Variants in STXBP5 observed in about 807,000 individuals in gnomAD.
STXBP5 encodes the protein syntaxin binding protein 5, also known as syntaxin-binding protein 5.
In STXBP5, 50 loss-of-function variants were observed where a neutral mutation model predicts 152.4. The observed-to-expected ratio is 0.33, with a 90% CI of 0.26 to 0.42. STXBP5 has a LOEUF of 0.42. Among genes scored for constraint, STXBP5 ranks in the 10% least tolerant of loss-of-function variants. The pLI is 1.00. For missense variants in STXBP5, 1,167 were observed against 1,388.6 expected (o/e 0.84, Z 2.54); for synonymous variants, 492 against 494.7 (o/e 0.99, Z 0.07).
At chr6:147,310,888 C>G (rs1278740221) in intron 10 of STXBP5, among the ~76,000 whole-genome samples, 1 of 151,350 alleles carries the variant, frequency 6.6e-6, no homozygotes, top group East Asian at 1.9e-4. Context: ...ATTTTTTTTT[C>G]ACAGCAATGT....
chr6:147,349,607 G>A (rs1330057715), intron 21 of STXBP5, among the ~76,000 whole-genome samples: 1 of 152,144 alleles, frequency 6.6e-6, no homozygotes, highest in African/African-American at 2.4e-5. Context: ...TCTTAGATAA[G>A]TGTTCCAGAC....
intron 2 of STXBP5, among the ~76,000 whole-genome samples, chr6:147,206,488 G>A (rs549886195): frequency 2.1e-4 from 32 of 152,124 alleles, no homozygotes; most frequent in Admixed American, 1.2e-3. Context: ...TTAGAGATTG[G>A]ATTTCAATCT....
rs1424271471 is a variant in STXBP5, at chr6:147,384,938, C to T, written c.*183C>T. The T allele has an allele frequency of 3.2e-6, 2 of 626,360 alleles. No individual in the cohort carries two copies. The highest frequency in any genetic ancestry group is 4.0e-5 in the South Asian group (2 of 50,324). 38.8% of individuals were successfully genotyped at this position (626,360 alleles called of 1,614,324 possible). On this transcript the variant is annotated 3_prime_UTR_variant, in exon 28 of 28. Transcript: ENST00000321680. ...TAACTGAGGAGTGTTCACACGCACT[C>T]GAAATGGAGTATATGGTGTGTGCCA...
At chr6:147,348,594 G>T (rs2128403843) in intron 21 of STXBP5, among the ~76,000 whole-genome samples, 1 of 152,148 alleles carries the variant, frequency 6.6e-6, no homozygotes, top group South Asian at 2.1e-4. Context: ...AGTTTTTGTA[G>T]TATTATACTT....
intron 4 of STXBP5, among the ~76,000 whole-genome samples, chr6:147,240,394 A>G (rs1333873430): frequency 1.3e-5 from 2 of 152,216 alleles, no homozygotes; most frequent in Non-Finnish European, 2.9e-5. Context: ...GTAGTTGTAT[A>G]TATGTATGTA....
At chr6:147,264,097 A>T (rs999857790) in intron 6 of STXBP5, among the ~76,000 whole-genome samples, 2 of 151,270 alleles carry the variant, frequency 1.3e-5, no homozygotes, top group Non-Finnish European at 3.0e-5. Context: ...TATAAAATTT[A>T]AAAAATATTA....
intron 2 of STXBP5, among the ~76,000 whole-genome samples, chr6:147,216,165 G>A (rs1388912619): frequency 2.0e-5 from 3 of 152,184 alleles, no homozygotes; most frequent in Non-Finnish European, 4.4e-5. Flanking sequence ...GCTGAGGCAG[G>A]CGGATCACTT....
intron 7 of STXBP5, among the ~76,000 whole-genome samples, chr6:147,276,110 A>G (rs1562456239): frequency 1.3e-5 from 2 of 152,182 alleles, no homozygotes; most frequent in African/African-American, 4.8e-5. Flanking sequence ...TTTTCTCAAG[A>G]ATACTAAAGA....
chr6:147,211,261 A>G (rs1273271162), intron 2 of STXBP5, among the ~76,000 whole-genome samples: 1 of 148,680 alleles, frequency 6.7e-6, no homozygotes, highest in Non-Finnish European at 1.5e-5. Flanking sequence ...GTGAGCCAAG[A>G]TTGTGCCACT....
In STXBP5 at chr6:147,389,411, T is replaced by C. The variant is rs1241319017; in HGVS notation, c.*4656T>C. 6.6e-6 allele frequency: 1 copy of C among 151,856 alleles called. No homozygotes were observed. The highest frequency in any genetic ancestry group is 1.5e-5 in the Non-Finnish European group (1 of 67,780). 9.4% of individuals were successfully genotyped at this position (151,856 alleles called of 1,614,324 possible). The stretch of plus-strand genomic sequence containing the variant: ...TTGCTTTCTTCAGTTATTAATACAG[T>C]CAAATTAATTTTAACAATATAGGCA... On this transcript the variant is annotated 3_prime_UTR_variant, in exon 28 of 28. Transcript: ENST00000321680.
At chr6:147,213,502 TTTTTC>T (rs998337281) in intron 2 of STXBP5, among the ~76,000 whole-genome samples, 2 of 142,176 alleles carry the variant, frequency 1.4e-5, no homozygotes, top group African/African-American at 2.8e-5. Flanking sequence ...ATATTTTTTC[TTTTTC>T]TTTTATTTTT....
At chr6:147,316,200 G>C (rs1241357116) in intron 15 of STXBP5, 29 bp from the exon 16 acceptor site, 2 of 1,596,512 alleles carry the variant, frequency 1.3e-6, no homozygotes, top group Non-Finnish European at 1.7e-6. Context: ...ATTATTAGGA[G>C]TAAGTAAACT....
At chr6:147,249,632 G>C (rs1419741909) in intron 4 of STXBP5, among the ~76,000 whole-genome samples, 1 of 152,214 alleles carries the variant, frequency 6.6e-6, no homozygotes, top group Non-Finnish European at 1.5e-5. Flanking sequence ...CAAGAGGAGA[G>C]AGAAATTGAG....
At chr6:147,300,887 A>G (rs1465166474) in intron 9 of STXBP5, among the ~76,000 whole-genome samples, 3 of 152,112 alleles carry the variant, frequency 2.0e-5, no homozygotes, top group Admixed American at 2.0e-4. Flanking sequence ...ATGAGAGAAA[A>G]TATTTGTAAA....
chr6:147,292,459 A>G (rs754345899), intron 9 of STXBP5: 9 of 248,556 alleles, frequency 3.6e-5, no homozygotes, highest in Non-Finnish European at 5.6e-5. Flanking sequence ...AATTGAGATG[A>G]TAATGTATGT....
At chr6:147,211,186 T>G (rs2115031611) in intron 2 of STXBP5, among the ~76,000 whole-genome samples, 1 of 151,992 alleles carries the variant, frequency 6.6e-6, no homozygotes, top group East Asian at 1.9e-4. Flanking sequence ...GGTGCACGCC[T>G]GTAATCCCAG....
intron 23 of STXBP5, among the ~76,000 whole-genome samples, chr6:147,360,297 G>C (rs936881263): frequency 6.6e-6 from 1 of 152,072 alleles, no homozygotes; most frequent in African/African-American, 2.4e-5. Context: ...CCATTACTGG[G>C]TATATACCCA....
rs767007750 is a variant in STXBP5, at chr6:147,389,366, C to G, written c.*4611C>G. On this transcript the variant is annotated 3_prime_UTR_variant, in exon 28 of 28. Coordinates refer to ENST00000321680, the MANE Select transcript of STXBP5 (RefSeq NM_001127715.4). ...GAATTAAATGATTTTAATAACTTCC[C>G]AATTACCAGGGTTATAACATTGCTT... 2.4e-4 allele frequency: 36 copies of G among 151,858 alleles called. No homozygotes were observed. Among genetic ancestry groups the G allele is most frequent in the Non-Finnish European group, 4.0e-4 (27 of 67,738 alleles). 9.4% of individuals were successfully genotyped at this position (151,858 alleles called of 1,614,324 possible). A position where few individuals can be genotyped will look rare whatever the true frequency, so the allele number is the denominator to read the frequency against.
chr6:147,212,050 C>T (rs1188211914), intron 2 of STXBP5, among the ~76,000 whole-genome samples: 3 of 152,168 alleles, frequency 2.0e-5, no homozygotes, highest in Non-Finnish European at 4.4e-5. Flanking sequence ...GAGGACATTG[C>T]ATAAAAGGAA....
Sources: allele counts gnomAD v4.1 joint callset (sites outside exome capture counted in the v4.1 genomes callset), GRCh38; gene constraint gnomAD v4.1.1; transcripts MANE v1.5; gene names NCBI Gene and HGNC (gene_info 2026-07-23, HGNC 2026-07-21).